The following TP63 variants were observed in gnomAD, a reference collection of about 807,000 sequenced individuals.
The protein encoded by TP63 is tumor protein 63.
TP63 carries 17 observed loss-of-function variants against 82.8 expected under a neutral mutation model. The ratio of observed to expected loss-of-function variants is 0.21; its 90% confidence interval spans 0.14 to 0.31. TP63 has a LOEUF of 0.31. Among genes scored for constraint, TP63 ranks in the 10% least tolerant of loss-of-function variants. The pLI, the probability that TP63 is intolerant of heterozygous loss-of-function variation, is 1.00. For missense variants in TP63, 648 were observed against 895.3 expected (o/e 0.72, Z 3.52); for synonymous variants, 330 against 321.7 (o/e 1.03, Z -0.28).
chr3:189,888,364 T>TA (rs1720682995), intron 11 of TP63, among the ~76,000 whole-genome samples: 1 of 152,250 alleles, frequency 6.6e-6, no homozygotes, highest in African/African-American at 2.4e-5. Flanking sequence ...TGTGACATCT[T>TA]AGAGTCCTCA....
intron 3 of TP63, among the ~76,000 whole-genome samples, chr3:189,794,144 A>G (rs1273477579): frequency 6.6e-6 from 1 of 152,074 alleles, no homozygotes; most frequent in Non-Finnish European, 1.5e-5. Context: ...TGTTGACAAT[A>G]TTCATGAAAA....
intron 1 of TP63, among the ~76,000 whole-genome samples, chr3:189,673,868 A>C (rs895184381): frequency 7.2e-5 from 11 of 152,174 alleles, no homozygotes; most frequent in African/African-American, 2.2e-4. Context: ...TATGTGAAGT[A>C]ATTGGCATAA....
At chr3:189,775,166 G>A (rs2108565348) in intron 3 of TP63, among the ~76,000 whole-genome samples, 1 of 143,706 alleles carries the variant, frequency 7.0e-6, no homozygotes, top group East Asian at 2.1e-4. Context: ...GTTGTGGTGA[G>A]CCAAGATCGT....
Position 189,772,298 on chromosome 3 carries a change from G to C in TP63, c.324+33524G>C, listed in dbSNP as rs184740100. On this transcript the variant is annotated intron_variant, in intron 3 of 13. Transcript: ENST00000264731. ...CTAGCTAATGCTCTTTACCAATAAG[G>C]ACACTGAAGCTCCTAGAAGTGAAGT... 1.8e-4 allele frequency among the ~76,000 whole-genome samples: 28 copies of C among 152,286 alleles called. 1 individual carries two copies. The highest frequency in any genetic ancestry group is 1.5e-3 in the Admixed American group (23 of 15,296).
intron 1 of TP63, among the ~76,000 whole-genome samples, chr3:189,651,066 T>C (rs1712847989): frequency 6.8e-6 from 1 of 147,408 alleles, no homozygotes; most frequent in Admixed American, 6.7e-5. Context: ...TAGAAGTGAC[T>C]CTTGCTTTGC....
intron 1 of TP63, among the ~76,000 whole-genome samples, chr3:189,683,444 T>C (rs1716150462): frequency 6.6e-6 from 1 of 152,218 alleles, no homozygotes; most frequent in Admixed American, 6.5e-5. Context: ...TTGATAATAA[T>C]TTATAACATA....
chr3:189,756,951 A>G (rs1577358110), intron 3 of TP63, among the ~76,000 whole-genome samples: 1 of 152,194 alleles, frequency 6.6e-6, no homozygotes. Flanking sequence ...TTAAAAACTG[A>G]TCAGGTGGAA....
At chr3:189,650,715 T>C (rs1464636318) in intron 1 of TP63, among the ~76,000 whole-genome samples, 1 of 147,554 alleles carries the variant, frequency 6.8e-6, no homozygotes, top group Non-Finnish European at 1.5e-5. Flanking sequence ...ATCTCAGGTA[T>C]GTCTTTATTA....
At chr3:189,613,413 G>T in the TP63 span, among the ~76,000 whole-genome samples, 13 of 152,210 alleles carry the variant, frequency 8.5e-5, no homozygotes, top group African/African-American at 3.1e-4. Flanking sequence ...TTGAGATTTG[G>T]GAACCTCCAC....
At chr3:189,773,246 G>A (rs943854157) in intron 3 of TP63, among the ~76,000 whole-genome samples, 2 of 152,154 alleles carry the variant, frequency 1.3e-5, no homozygotes, top group African/African-American at 2.4e-5. Flanking sequence ...AATCCCTTCC[G>A]ATTGTGTCAG....
chr3:189,648,825 C>T (rs1377680208), intron 1 of TP63, among the ~76,000 whole-genome samples: 2 of 144,098 alleles, frequency 1.4e-5, no homozygotes, highest in Non-Finnish European at 3.0e-5. Flanking sequence ...AACCATTTCA[C>T]ATATAGTATT....
In TP63 at chr3:189,844,134, A is replaced by T. The variant is rs1262525740; in HGVS notation, c.580-20098A>T. Reference sequence around the variant, plus strand: ...ATTGACCTGATGTTTATTAGGATGGATATATTAAAAGCCATTGAAATGAAC... The same window carrying T: ...ATTGACCTGATGTTTATTAGGATGGTTATATTAAAAGCCATTGAAATGAAC... On this transcript the variant is annotated intron_variant, in intron 4 of 13. Transcript: ENST00000264731. The T allele has an allele frequency of 1.2e-5, 4 of 333,988 alleles. No individual in the cohort carries two copies. In the Admixed American group the frequency reaches 1.5e-4, roughly 12 times the overall value. 20.7% of individuals were successfully genotyped at this position (333,988 alleles called of 1,614,324 possible). A position where few individuals can be genotyped will look rare whatever the true frequency, so the allele number is the denominator to read the frequency against.
intron 3 of TP63, among the ~76,000 whole-genome samples, chr3:189,765,536 C>T (rs376587280): frequency 6.8e-6 from 1 of 147,336 alleles, no homozygotes; most frequent in African/African-American, 2.5e-5. Context: ...CCCGGGTTCA[C>T]GCCATTCTGC....
intron 1 of TP63, among the ~76,000 whole-genome samples, chr3:189,704,934 G>A (rs1029873558): frequency 6.6e-6 from 1 of 152,126 alleles, no homozygotes; most frequent in African/African-American, 2.4e-5. Flanking sequence ...ATTCCTATAG[G>A]TGGTTTATCA....
chr3:189,792,511 T>C (rs537156408), intron 3 of TP63, among the ~76,000 whole-genome samples: 1 of 152,162 alleles, frequency 6.6e-6, no homozygotes, highest in African/African-American at 2.4e-5. Context: ...GAAAGAGATA[T>C]TTACTAAAAT....
intron 4 of TP63, among the ~76,000 whole-genome samples, chr3:189,832,644 C>G (rs1258538609): frequency 6.6e-6 from 1 of 152,100 alleles, no homozygotes; most frequent in Non-Finnish European, 1.5e-5. Context: ...CCACTGATGA[C>G]CAACTCCAAA....
At chr3:189,669,460 G>A (rs368059536) in intron 1 of TP63, among the ~76,000 whole-genome samples, 1 of 151,894 alleles carries the variant, frequency 6.6e-6, no homozygotes, top group African/African-American at 2.4e-5. Context: ...CATAAGAAAT[G>A]ATAAATAATT....
intron 3 of TP63, among the ~76,000 whole-genome samples, chr3:189,767,257 A>G (rs73889822): frequency 0.016 from 2,451 of 152,158 alleles, 71 homozygotes; most frequent in African/African-American, 0.056. Context: ...TATTTGAACC[A>G]GTTTCTCATC....
intron 1 of TP63, among the ~76,000 whole-genome samples, chr3:189,714,163 A>G (rs62290041): frequency 0.26 from 38,975 of 152,044 alleles, 5,864 homozygotes; most frequent in Middle Eastern, 0.39. Context: ...ATGTGTATGT[A>G]TGTGTGTGTG....
Sources: allele counts gnomAD v4.1 joint callset (sites outside exome capture counted in the v4.1 genomes callset), GRCh38; gene constraint gnomAD v4.1.1; transcripts MANE v1.5; gene names NCBI Gene and HGNC (gene_info 2026-07-23, HGNC 2026-07-21).